The following CACNA1C variants were observed in gnomAD, a reference collection of about 807,000 sequenced individuals.
CACNA1C encodes voltage-dependent L-type calcium channel subunit alpha-1C.
A neutral mutation model predicts 229.0 loss-of-function variants in CACNA1C; 30 were observed. That is an observed-to-expected ratio of 0.13 (90% CI 0.10 to 0.18). The LOEUF is 0.18. CACNA1C is among the 10% of genes least tolerant of loss of function. The probability of loss-of-function intolerance (pLI) is 1.00; values close to 1 mark genes in which losing one functional copy is unlikely to be tolerated. For synonymous variants in CACNA1C, 1,114 were observed against 1,132.5 expected (o/e 0.98, Z 0.33); for missense variants, 1,658 against 2,845.0 (o/e 0.58, Z 9.49).
At chr12:2,580,389 A>G (rs1325635574) in intron 13 of CACNA1C, among the ~76,000 whole-genome samples, 7 of 152,192 alleles carry the variant, frequency 4.6e-5, no homozygotes, top group South Asian at 2.1e-4. Context: ...TGTGGCTGCA[A>G]TGGGAGTGGC....
At chr12:2,156,765 G>A (rs1566031980) in intron 3 of CACNA1C, among the ~76,000 whole-genome samples, 1 of 152,196 alleles carries the variant, frequency 6.6e-6, no homozygotes, top group Admixed American at 6.5e-5. Flanking sequence ...GGATGAGGGT[G>A]GTCTTCAGCA....
rs2099741185 is a variant in CACNA1C at position 2,493,816 on chromosome 12, T to C, written c.1113+430T>C. Among the ~76,000 whole-genome samples, 1 of 152,234 alleles carries C rather than the reference T, an allele frequency of 6.6e-6. No homozygotes were observed. The highest frequency in any genetic ancestry group is 2.4e-5 in the African/African-American group (1 of 41,462). On this transcript the variant is annotated intron_variant, in intron 7 of 46. Coordinates refer to ENST00000399655, the MANE Select transcript of CACNA1C (RefSeq NM_000719.7). This position sits in a 1 kb window ranked among gnomAD's most constrained non-coding sequence, Gnocchi z 4.6. ...GGGCAGAAGAGAAGAAGTCCTGATC[T>C]TCTAAAAAGAAGTTATATAAAGAAA... is the stretch of plus-strand genomic sequence containing the variant.
At chr12:2,638,087 C>T (rs1437441239) in intron 30 of CACNA1C, among the ~76,000 whole-genome samples, 1 of 152,214 alleles carries the variant, frequency 6.6e-6, no homozygotes, top group African/African-American at 2.4e-5. Flanking sequence ...AAACCAAAAG[C>T]CCCTGCCTTC....
At position 2,249,347 on chromosome 12, in the gene CACNA1C, C is replaced by T. The variant is rs144749565; in HGVS notation, c.477+128917C>T. Among the ~76,000 whole-genome samples, 288 of 152,316 alleles carry T rather than the reference C, an allele frequency of 1.9e-3. 1 individual carries two copies. The highest frequency in any genetic ancestry group is 3.3e-3 in the Non-Finnish European group (226 of 68,032). On this transcript the variant is annotated intron_variant, in intron 3 of 46. Transcript: ENST00000399655. The stretch of plus-strand genomic sequence containing the variant: ...AAAATGGTATCAGAACATAGCCACA[C>T]GTATCCATTTATGTCTTGTCTGTGA...
chr12:2,002,949 G>A lies in CACNA1C; in HGVS notation c.139+31748G>A, dbSNP rs113754638. Among the ~76,000 whole-genome samples the A allele has an allele frequency of 4.6e-5, 7 of 152,172 alleles. 1 individual carries two copies. The highest frequency in any genetic ancestry group is 1.7e-4 in the African/African-American group (7 of 41,508). ...AAAAAAGTAGGTGACAAATTCCCCT[G>A]GAAACTAGGGGGAAATAACCTCTTT... On this transcript the variant is annotated intron_variant, in intron 1 of 46. Coordinates refer to the CACNA1C transcript ENST00000682462.
chr12:2,410,254 C>T lies in CACNA1C; in HGVS notation c.478-38722C>T, dbSNP rs191030694. 2.0e-5 allele frequency among the ~76,000 whole-genome samples: 3 copies of T among 152,272 alleles called. No individual in the cohort carries two copies. The highest frequency in any genetic ancestry group is 7.2e-5 in the African/African-American group (3 of 41,558). On this transcript the variant is annotated intron_variant, in intron 3 of 46. Transcript: ENST00000399655. The surrounding 1 kb of genome is among the most constrained non-coding windows in gnomAD (Gnocchi z 5.3). ...CGACCGCAGAATCGACCTCAACGAG[C>T]TCGTCGCCGGGCACCGTTTTAGCAG...
At chr12:2,623,458 A>G (rs576048606) in intron 29 of CACNA1C, among the ~76,000 whole-genome samples, 3 of 152,102 alleles carry the variant, frequency 2.0e-5, no homozygotes, top group Admixed American at 6.5e-5. Flanking sequence ...TCCGTGTAAT[A>G]AATAATAAAC....
At chr12:2,489,888 G>T (rs115255101) in intron 6 of CACNA1C, among the ~76,000 whole-genome samples, 1 of 152,104 alleles carries the variant, frequency 6.6e-6, no homozygotes, top group Non-Finnish European at 1.5e-5. Flanking sequence ...CTTTGTTTCT[G>T]TCTCCCACTT....
At chr12:2,446,835 C>T (rs2099297036) in intron 3 of CACNA1C, among the ~76,000 whole-genome samples, 1 of 139,454 alleles carries the variant, frequency 7.2e-6, no homozygotes, top group South Asian at 2.4e-4. Flanking sequence ...TGAATGGGTA[C>T]ATGGATGGAT....
intron 3 of CACNA1C, among the ~76,000 whole-genome samples, chr12:2,263,693 C>T (rs965311304): frequency 2.0e-5 from 3 of 151,626 alleles, no homozygotes; most frequent in South Asian, 2.1e-4. Flanking sequence ...GCTAACAGAC[C>T]GGACATGAGG....
chr12:2,003,516 C>T (rs1280285163), intron 1 of CACNA1C, among the ~76,000 whole-genome samples: 1 of 152,200 alleles, frequency 6.6e-6, no homozygotes, highest in Admixed American at 6.5e-5. Flanking sequence ...AAATTACAAG[C>T]AGCAATCCCT....
At chr12:2,590,739 A>G (rs576587137) in intron 18 of CACNA1C, among the ~76,000 whole-genome samples, 1 of 152,346 alleles carries the variant, frequency 6.6e-6, no homozygotes, top group Non-Finnish European at 1.5e-5. Flanking sequence ...GGAAGTTCGA[A>G]TGGCACAAAG....
At chr12:2,599,220 C>A (rs879733915) in intron 21 of CACNA1C, among the ~76,000 whole-genome samples, 1 of 152,232 alleles carries the variant, frequency 6.6e-6, no homozygotes. Flanking sequence ...CTTCTACTTT[C>A]TTCTATGCTC....
intron 1 of CACNA1C, among the ~76,000 whole-genome samples, chr12:1,983,276 C>T (rs868411580): frequency 5.9e-5 from 9 of 151,662 alleles, no homozygotes; most frequent in African/African-American, 2.2e-4. Context: ...TTCTTTCCTT[C>T]TGTTTGCTTT....
chr12:2,053,663 T>TA lies in CACNA1C; in HGVS notation c.49+52_49+53insA. 6.7e-7 allele frequency: 1 copy of TA among 1,488,074 alleles called. No homozygotes were observed. Among genetic ancestry groups the TA allele is most frequent in the East Asian group, 2.8e-5 (1 of 35,208 alleles). The allele number at this position is 1,488,074 out of a possible 1,614,324, so 92.2% of individuals were successfully genotyped here. On this transcript the variant is annotated intron_variant, in intron 1 of 46. Coordinates refer to ENST00000399655, the MANE Select transcript of CACNA1C (RefSeq NM_000719.7). The surrounding 1 kb of genome is among the most constrained non-coding windows in gnomAD (Gnocchi z 5.8). ...GGGGCTCCCTGCCTTTTCCACCGGG[T>TA]TCCTGCCCTACCCGCGCTCCCCGCG...
chr12:2,380,979 G>T (rs1280407661), intron 3 of CACNA1C, among the ~76,000 whole-genome samples: 2 of 152,190 alleles, frequency 1.3e-5, no homozygotes, highest in Non-Finnish European at 2.9e-5. Context: ...GGATGGGGAG[G>T]GGGACTGAGG....
chr12:2,137,205 G>C (rs1195428121), intron 3 of CACNA1C, among the ~76,000 whole-genome samples: 1 of 151,408 alleles, frequency 6.6e-6, no homozygotes, highest in South Asian at 2.1e-4. Context: ...GGTAGTAAGA[G>C]AGTGCTGAGC....
At chr12:2,374,816 C>T (rs1019430435) in intron 3 of CACNA1C, among the ~76,000 whole-genome samples, 8 of 152,182 alleles carry the variant, frequency 5.3e-5, no homozygotes, top group African/African-American at 1.2e-4. Flanking sequence ...CCAGCACAGC[C>T]GGGAAAGCAA....
intron 3 of CACNA1C, among the ~76,000 whole-genome samples, chr12:2,185,577 C>T (rs763995900): frequency 3.3e-5 from 5 of 152,210 alleles, no homozygotes; most frequent in African/African-American, 4.8e-5. Flanking sequence ...CACAGACACA[C>T]ATGGACACAG....
Sources: allele counts gnomAD v4.1 joint callset (sites outside exome capture counted in the v4.1 genomes callset), GRCh38; gene constraint gnomAD v4.1.1; non-coding constraint Gnocchi (gnomAD v3.1); transcripts MANE v1.5; gene names NCBI Gene and HGNC (gene_info 2026-07-23, HGNC 2026-07-21).